The following SLC25A13 variants were observed in gnomAD, a reference collection of about 807,000 sequenced individuals.
SLC25A13 encodes the protein electrogenic aspartate/glutamate antiporter SLC25A13, mitochondrial.
A neutral mutation model predicts 85.5 loss-of-function variants in SLC25A13; 70 were observed. That is an observed-to-expected ratio of 0.82 (90% CI 0.68 to 1.00). The LOEUF (loss-of-function observed/expected upper bound fraction) is 1.00. Among genes scored for constraint, SLC25A13 ranks in the 50% least tolerant of loss-of-function variants. The probability of loss-of-function intolerance (pLI) is 0.00; values close to 1 mark genes in which losing one functional copy is unlikely to be tolerated. For synonymous variants in SLC25A13, 259 were observed against 288.7 expected (o/e 0.90, Z 1.04); for missense variants, 765 against 819.8 (o/e 0.93, Z 0.82).
rs1006137778 is a variant in SLC25A13, at chr7:96,239,047, A to T, written c.213-4130T>A. Among the ~76,000 whole-genome samples the T allele has an allele frequency of 5.5e-5, 8 of 144,534 alleles. No individual in the cohort carries two copies. The East Asian group carries it at 1.6e-3, about 29-fold the overall frequency. 94.8% of individuals were successfully genotyped at this position (144,534 alleles called of 152,430 possible). A position where few individuals can be genotyped will look rare whatever the true frequency, so the allele number is the denominator to read the frequency against. The stretch of plus-strand genomic sequence containing the variant: ...ATATGACTATATATTTTATATATAT[A>T]TATATATATATATATATATATGTAT... On this transcript the variant is annotated intron_variant, in intron 3 of 17. Coordinates refer to ENST00000265631, the MANE Select transcript of SLC25A13 (RefSeq NM_014251.3).
At chr7:96,179,406 A>AT (rs1367798436) in intron 11 of SLC25A13, among the ~76,000 whole-genome samples, 1 of 151,956 alleles carries the variant, frequency 6.6e-6, no homozygotes. Flanking sequence ...TTTTTGTCAT[A>AT]TTTTTCCAAT....
intron 1 of SLC25A13, among the ~76,000 whole-genome samples, chr7:96,312,405 T>A (rs1268432752): frequency 6.6e-6 from 1 of 152,126 alleles, no homozygotes; most frequent in South Asian, 2.1e-4. Context: ...TATGCTAATA[T>A]TATTATTATT....
chr7:96,216,130 T>C, intron 4 of SLC25A13, among the ~76,000 whole-genome samples: 1 of 149,282 alleles, frequency 6.7e-6, no homozygotes, highest in African/African-American at 2.5e-5. Flanking sequence ...CATTCCAGCC[T>C]GGGCGACAGA....
intron 4 of SLC25A13, among the ~76,000 whole-genome samples, chr7:96,224,555 C>T (rs139797915): frequency 6.6e-6 from 1 of 152,276 alleles, no homozygotes; most frequent in Non-Finnish European, 1.5e-5. Flanking sequence ...AGTCAGAATT[C>T]TGTTCATATC....
chr7:96,188,982 G>A (rs1183833742), intron 9 of SLC25A13, among the ~76,000 whole-genome samples: 3 of 152,162 alleles, frequency 2.0e-5, no homozygotes, highest in East Asian at 1.9e-4. Context: ...GGATTCTTTC[G>A]CTACATCTCT....
chr7:96,223,525 C>T (rs138199823), intron 4 of SLC25A13, among the ~76,000 whole-genome samples: 1,946 of 152,272 alleles, frequency 0.013, 39 homozygotes, highest in African/African-American at 0.045. Context: ...CGGTGGCTCA[C>T]GCCTGTAATC....
In SLC25A13 at chr7:96,120,261, C is replaced by T. The variant is rs963044171; in HGVS notation, c.*930G>A. 23 of 451,756 alleles carry T rather than the reference C, an allele frequency of 5.1e-5. No homozygotes were observed. The highest frequency in any genetic ancestry group is 3.4e-4 in the African/African-American group (17 of 49,860). The allele number at this position is 451,756 out of a possible 1,614,324, so 28.0% of individuals were successfully genotyped here. A position where few individuals can be genotyped will look rare whatever the true frequency, so the allele number is the denominator to read the frequency against. ...TTATTTCCACCTTCACAAATTCATG[C>T]GCCTCTGACCATTATGCAAGGCAAC... On this transcript the variant is annotated 3_prime_UTR_variant, in exon 18 of 18. Transcript: ENST00000265631.
Position 96,185,012 on chromosome 7 carries a change from C to T in SLC25A13, c.934-1G>A. 6.2e-7 allele frequency: 1 copy of T among 1,612,622 alleles called. No individual in the cohort carries two copies. The highest frequency in any genetic ancestry group is 1.1e-5 in the South Asian group (1 of 90,642). ...GTCGAGCTGAATCACCTGAGGCCTTCTGCTTTGCATGCACAGGAATCAGAG... is the reference window on the plus strand; with the variant it reads ...GTCGAGCTGAATCACCTGAGGCCTTTTGCTTTGCATGCACAGGAATCAGAG... On this transcript the variant is annotated splice_acceptor_variant, in intron 9 of 17. Coordinates refer to ENST00000265631, the MANE Select transcript of SLC25A13 (RefSeq NM_014251.3). LOFTEE classifies it high-confidence loss of function.
intron 5 of SLC25A13, among the ~76,000 whole-genome samples, chr7:96,208,402 T>C (rs1394066218): frequency 6.6e-6 from 1 of 152,138 alleles, no homozygotes; most frequent in Non-Finnish European, 1.5e-5. Context: ...AGTAAGTATG[T>C]AGTAAGTAAA....
chr7:96,130,853 G>A (rs1244137308), intron 15 of SLC25A13, among the ~76,000 whole-genome samples: 1 of 152,196 alleles, frequency 6.6e-6, no homozygotes, highest in Non-Finnish European at 1.5e-5. Context: ...AATTAAGGAG[G>A]AGCTACACAG....
intron 4 of SLC25A13, among the ~76,000 whole-genome samples, chr7:96,222,250 T>C (rs1438089695): frequency 6.6e-6 from 1 of 152,126 alleles, no homozygotes; most frequent in African/African-American, 2.4e-5. Context: ...TAGTTTCCAA[T>C]AAAGGGCAAA....
At chr7:96,274,801 C>A (rs1054561685) in intron 3 of SLC25A13, among the ~76,000 whole-genome samples, 1 of 152,150 alleles carries the variant, frequency 6.6e-6, no homozygotes, top group Non-Finnish European at 1.5e-5. Flanking sequence ...TCAGGTTTGT[C>A]AAAGATCAGA....
chr7:96,207,418 C>A (rs1795502724), intron 5 of SLC25A13, among the ~76,000 whole-genome samples: 1 of 152,164 alleles, frequency 6.6e-6, no homozygotes, highest in Non-Finnish European at 1.5e-5. Flanking sequence ...TCCAACCACT[C>A]CCCAGAGGGC....
chr7:96,268,095 C>T lies in SLC25A13; in HGVS notation c.212+9101G>A, dbSNP rs111808779. Among the ~76,000 whole-genome samples, 4 of 152,138 alleles carry T rather than the reference C, an allele frequency of 2.6e-5. No individual in the cohort carries two copies. In the East Asian group the frequency reaches 5.8e-4, roughly 22 times the overall value. On this transcript the variant is annotated intron_variant, in intron 3 of 17. Coordinates refer to ENST00000265631, the MANE Select transcript of SLC25A13 (RefSeq NM_014251.3). ...CACCTCACAGACAGTGCTTGGTACC[C>T]GTAACCCTCAGTAAGTCAGGCACTC...
chr7:96,238,449 G>A (rs1796826141), intron 3 of SLC25A13, among the ~76,000 whole-genome samples: 1 of 151,568 alleles, frequency 6.6e-6, no homozygotes, highest in Non-Finnish European at 1.5e-5. Flanking sequence ...ACAGCAGCCT[G>A]AGGAAACTAA....
At chr7:96,314,772 A>G (rs1386070979) in intron 1 of SLC25A13, among the ~76,000 whole-genome samples, 1 of 152,216 alleles carries the variant, frequency 6.6e-6, no homozygotes, top group Non-Finnish European at 1.5e-5. Flanking sequence ...GAGGAGTCAG[A>G]GCTCCTCGGA....
At chr7:96,129,179 C>T (rs989521383) in intron 15 of SLC25A13, among the ~76,000 whole-genome samples, 11 of 152,172 alleles carry the variant, frequency 7.2e-5, no homozygotes, top group African/African-American at 2.4e-4. Context: ...GTGCCAGAGG[C>T]ACCCAGTGAG....
intron 3 of SLC25A13, among the ~76,000 whole-genome samples, chr7:96,266,913 G>A (rs561361076): frequency 5.3e-5 from 8 of 152,302 alleles, no homozygotes; most frequent in African/African-American, 1.9e-4. Flanking sequence ...TGATGACTAA[G>A]AAGAAAATCT....
chr7:96,289,900 A>G lies in SLC25A13; in HGVS notation c.69+6998T>C, dbSNP rs547884394. On this transcript the variant is annotated intron_variant, in intron 2 of 17. Coordinates refer to ENST00000265631, the MANE Select transcript of SLC25A13 (RefSeq NM_014251.3). ...GCAGGCCAACATTCAAATTCAGGAA[A>G]TACAAAGAACGCCACAAAGATACTC... Among the ~76,000 whole-genome samples the G allele has an allele frequency of 5.3e-5, 8 of 152,294 alleles. No individual in the cohort carries two copies. The East Asian group carries it at 1.5e-3, about 29-fold the overall frequency.
Sources: gnomAD v4.1 joint callset for allele counts (sites outside exome capture counted in the v4.1 genomes callset) on GRCh38, gnomAD v4.1.1 for gene constraint, MANE v1.5 for transcripts, NCBI Gene and HGNC (gene_info 2026-07-23, HGNC 2026-07-21) for gene names.